CPNE8: variants seen among roughly 807,000 people sequenced by gnomAD.
CPNE8 encodes copine 8.
CPNE8 carries 45 observed loss-of-function variants against 81.5 expected under a neutral mutation model. The ratio of observed to expected loss-of-function variants is 0.55; its 90% CI spans 0.44 to 0.71. The LOEUF (loss-of-function observed/expected upper bound fraction) is 0.71, where lower values mean the gene tolerates loss of function less well. Ranked by LOEUF, CPNE8 falls within the 30% of genes least tolerant of loss-of-function variation. CPNE8 has a pLI of 0.00. For synonymous variants in CPNE8, 252 were observed against 226.3 expected (o/e 1.11, Z -1.02); for missense variants, 594 against 672.1 (o/e 0.88, Z 1.28).
At chr12:38,827,364 C>T (rs1457139650) in intron 6 of CPNE8, among the ~76,000 whole-genome samples, 2 of 152,170 alleles carry the variant, frequency 1.3e-5, no homozygotes, top group African/African-American at 4.8e-5. Flanking sequence ...CACTTATATG[C>T]TGCTGGTGGA....
intron 11 of CPNE8, chr12:38,726,506 A>C (rs1195264481): frequency 6.6e-6 from 1 of 152,204 alleles, no homozygotes; most frequent in African/African-American, 2.4e-5. Context: ...TTAAATATGG[A>C]GCAGGTTGTT....
intron 6 of CPNE8, among the ~76,000 whole-genome samples, chr12:38,779,421 G>A (rs377077878): frequency 1.3e-5 from 2 of 152,096 alleles, no homozygotes; most frequent in East Asian, 1.9e-4. Flanking sequence ...TAACTAGATT[G>A]CCTGATTGTA....
Position 38,693,784 on chromosome 12 carries a change from G to T in CPNE8, c.1016C>A (p.Ala339Asp). ...CACTGCTTTTAGTGCCATACCATAG[G>T]CATTCAGTTGGTAAGGATTCATGTA... ...LHYMNPYQLN[A>D]YGMALKAVGE... The change falls in exon 15 of 20, where the codon GCC (alanine) becomes GAC (aspartate). Residue 339 changes from alanine to aspartate, a missense_variant. Transcript: ENST00000331366. 6.2e-7 allele frequency: 1 copy of T among 1,612,822 alleles called. No homozygotes were observed. Among genetic ancestry groups the T allele is most frequent in the East Asian group, 2.2e-5 (1 of 44,748 alleles).
At chr12:38,826,938 G>A (rs1378251178) in intron 6 of CPNE8, among the ~76,000 whole-genome samples, 2 of 151,064 alleles carry the variant, frequency 1.3e-5, no homozygotes, top group African/African-American at 4.9e-5. Context: ...GGGAGGCCGA[G>A]GCGGGCAGAT....
At chr12:38,796,755 C>T (rs1417766887) in intron 6 of CPNE8, among the ~76,000 whole-genome samples, 2 of 152,090 alleles carry the variant, frequency 1.3e-5, no homozygotes, top group Non-Finnish European at 2.9e-5. Context: ...TTGCCTCACT[C>T]GGGAAGCTCA....
chr12:38,780,567 A>G (rs891821434), intron 6 of CPNE8, among the ~76,000 whole-genome samples: 3 of 152,094 alleles, frequency 2.0e-5, no homozygotes, highest in Admixed American at 2.0e-4. Flanking sequence ...GAAAAACGTG[A>G]GAGATGAAGA....
chr12:38,660,708 C>G (rs1565557904), intron 19 of CPNE8, among the ~76,000 whole-genome samples: 1 of 152,148 alleles, frequency 6.6e-6, no homozygotes, highest in Non-Finnish European at 1.5e-5. Context: ...TTTTTGCAAT[C>G]TACCCATCTG....
intron 1 of CPNE8, among the ~76,000 whole-genome samples, chr12:38,883,053 A>G (rs1944184367): frequency 6.6e-6 from 1 of 152,182 alleles, no homozygotes. Flanking sequence ...CACACCTACT[A>G]TTTATTTACT....
intron 13 of CPNE8, among the ~76,000 whole-genome samples, chr12:38,711,271 A>C (rs556815373): frequency 6.6e-6 from 1 of 152,310 alleles, no homozygotes; most frequent in South Asian, 2.1e-4. Flanking sequence ...CATAACTATG[A>C]AACTGCCCAA....
intron 1 of CPNE8, among the ~76,000 whole-genome samples, chr12:38,892,406 C>T (rs540268609): frequency 6.6e-6 from 1 of 152,304 alleles, no homozygotes; most frequent in East Asian, 1.9e-4. Flanking sequence ...ACATGTGAAG[C>T]TCACTACATG....
At chr12:38,715,170 C>A (rs1940356115) in intron 13 of CPNE8, among the ~76,000 whole-genome samples, 1 of 152,056 alleles carries the variant, frequency 6.6e-6, no homozygotes, top group Non-Finnish European at 1.5e-5. Context: ...TGACTCTCAG[C>A]AAAATTGCTG....
intron 15 of CPNE8, 27 bp downstream of exon 15, chr12:38,693,630 C>T (rs1403210750): frequency 1.3e-6 from 2 of 1,582,358 alleles, no homozygotes; most frequent in Admixed American, 1.8e-5. Context: ...TTTTTCAAAA[C>T]ATCAAATCCT....
intron 14 of CPNE8, among the ~76,000 whole-genome samples, chr12:38,701,069 CA>C (rs904681089): frequency 2.0e-5 from 3 of 152,126 alleles, no homozygotes; most frequent in African/African-American, 7.2e-5. Context: ...CCTCTCATTG[CA>C]AGGACAAATC....
chr12:38,842,642 C>T (rs1207195959), intron 4 of CPNE8, among the ~76,000 whole-genome samples: 1 of 133,008 alleles, frequency 7.5e-6, no homozygotes, highest in Non-Finnish European at 1.5e-5. Flanking sequence ...CTGGTGCAAT[C>T]TCAGCTCACA....
intron 1 of CPNE8, among the ~76,000 whole-genome samples, chr12:38,882,611 C>T (rs1280684120): frequency 6.6e-6 from 1 of 152,108 alleles, no homozygotes; most frequent in Non-Finnish European, 1.5e-5. Context: ...CTCCCATATC[C>T]CAGTTCATTC....
At chr12:38,655,556 C>G (rs1029144040) in intron 19 of CPNE8, among the ~76,000 whole-genome samples, 1 of 152,028 alleles carries the variant, frequency 6.6e-6, no homozygotes, top group Non-Finnish European at 1.5e-5. Flanking sequence ...AAGAACAATC[C>G]TGTCTCATGC....
intron 10 of CPNE8, among the ~76,000 whole-genome samples, chr12:38,733,030 C>T (rs1940869521): frequency 6.6e-6 from 1 of 151,898 alleles, no homozygotes; most frequent in African/African-American, 2.4e-5. Flanking sequence ...CATTCAGCAT[C>T]TAGAGAAGTA....
At chr12:38,832,066 G>A (rs973878514) in intron 5 of CPNE8, among the ~76,000 whole-genome samples, 11 of 152,060 alleles carry the variant, frequency 7.2e-5, no homozygotes, top group South Asian at 2.1e-4. Flanking sequence ...TCAACAAAAC[G>A]TGCACCAAAA....
intron 5 of CPNE8, among the ~76,000 whole-genome samples, chr12:38,830,439 A>G (rs1439803145): frequency 6.6e-6 from 1 of 152,206 alleles, no homozygotes; most frequent in Non-Finnish European, 1.5e-5. Flanking sequence ...AGTACAGTGC[A>G]AACTCATATA....
Sources: allele counts gnomAD v4.1 joint callset (sites outside exome capture counted in the v4.1 genomes callset), GRCh38; gene constraint gnomAD v4.1.1; transcripts MANE v1.5; gene names NCBI Gene and HGNC (gene_info 2026-07-23, HGNC 2026-07-21).